The following SNTG1 variants were observed in gnomAD, a reference collection of about 807,000 sequenced individuals.
SNTG1 encodes the protein syntrophin gamma 1.
Under a neutral mutation model 74.7 loss-of-function variants are expected in SNTG1, and 39 were observed. The ratio of observed to expected loss-of-function variants is 0.52; its 90% CI spans 0.40 to 0.68. SNTG1 has a LOEUF of 0.68. SNTG1 is among the 30% of genes least tolerant of loss of function. SNTG1 has a pLI of 0.00. For synonymous variants in SNTG1, 254 were observed against 217.1 expected (o/e 1.17, Z -1.49); for missense variants, 685 against 609.5 (o/e 1.12, Z -1.30).
At chr8:50,522,512 T>C (rs965238313) in intron 9 of SNTG1, among the ~76,000 whole-genome samples, 6 of 151,902 alleles carry the variant, frequency 3.9e-5, no homozygotes, top group South Asian at 2.1e-4. Context: ...ATTCAACTGA[T>C]AGCAGCTGCA....
chr8:49,947,090 A>C (rs2129385224), intron 1 of SNTG1, among the ~76,000 whole-genome samples: 1 of 152,284 alleles, frequency 6.6e-6, no homozygotes, highest in Non-Finnish European at 1.5e-5. Context: ...ACTTGAGGCC[A>C]AGAGTTTGAG....
intron 15 of SNTG1, among the ~76,000 whole-genome samples, chr8:50,668,846 T>C (rs1363411405): frequency 2.6e-4 from 39 of 152,038 alleles, no homozygotes; most frequent in Non-Finnish European, 1.3e-4. Flanking sequence ...TTCCATGGTG[T>C]ATATGTACCA....
intron 13 of SNTG1, among the ~76,000 whole-genome samples, chr8:50,639,416 T>C (rs1007829329): frequency 6.6e-6 from 1 of 152,042 alleles, no homozygotes; most frequent in Non-Finnish European, 1.5e-5. Context: ...ATTGCCTTTT[T>C]GTTTTTCTAT....
At chr8:50,696,243 C>A (rs545836089) in intron 15 of SNTG1, among the ~76,000 whole-genome samples, 10 of 151,998 alleles carry the variant, frequency 6.6e-5, no homozygotes, top group East Asian at 1.9e-4. Flanking sequence ...TTTCAAATGT[C>A]TGATGGTCAC....
rs150961045 is a variant in SNTG1 at position 49,979,127 on chromosome 8, T to C, written c.-103+66896T>C. 3.7e-3 allele frequency among the ~76,000 whole-genome samples: 565 copies of C among 152,316 alleles called. 7 individuals are homozygous for C. Among genetic ancestry groups the C allele is most frequent in the African/African-American group, 0.011 (469 of 41,582 alleles). ...GGAGAAGAATGAGCGAATTTGGTAG[T>C]GTAACTAGCAGGCGGGGAAGGACTG... On this transcript the variant is annotated intron_variant, in intron 1 of 18. Transcript: ENST00000642720.
chr8:50,129,882 C>A (rs2081263591), intron 1 of SNTG1, among the ~76,000 whole-genome samples: 1 of 152,128 alleles, frequency 6.6e-6, no homozygotes, highest in Non-Finnish European at 1.5e-5. Context: ...AAGCAATCCT[C>A]TTGCCTCCAC....
intron 17 of SNTG1, among the ~76,000 whole-genome samples, chr8:50,726,519 A>G (rs1422963557): frequency 2.6e-5 from 4 of 152,166 alleles, no homozygotes; most frequent in Non-Finnish European, 5.9e-5. Flanking sequence ...GCTTGGCTGG[A>G]ACAGAGTACA....
At chr8:50,206,250 G>A (rs918358186) in intron 2 of SNTG1, among the ~76,000 whole-genome samples, 1 of 152,118 alleles carries the variant, frequency 6.6e-6, no homozygotes, top group Non-Finnish European at 1.5e-5. Flanking sequence ...TTGTTGAGCA[G>A]TGTTTTGTAG....
chr8:50,675,689 A>G (rs1049270160), intron 15 of SNTG1, among the ~76,000 whole-genome samples: 2 of 151,920 alleles, frequency 1.3e-5, no homozygotes, highest in Non-Finnish European at 2.9e-5. Context: ...TGTGAATTTG[A>G]TCCTGTCATC....
In SNTG1 at chr8:50,752,012, G is replaced by A; in HGVS notation, c.1296G>A (p.Trp432Ter). Reference protein sequence around the residue: ...CFDAATKAVLWRYKFSQLKGS... With the variant: ...CFDAATKAVL ...TTTCCCCCCTTTAGGCTGTCCTTTG[G>A]AGGTATAAATTCTCTCAGCTTAAAG... The change falls in exon 18 of 19, where the codon TGG becomes TGA. Residue 432 changes from tryptophan (W) to a stop codon, truncating the protein, a stop_gained. Transcript: ENST00000642720. LOFTEE classifies it high-confidence loss of function. 6.4e-7 allele frequency: 1 copy of A among 1,560,880 alleles called. No individual in the cohort carries two copies. Among genetic ancestry groups the A allele is most frequent in the Non-Finnish European group, 8.6e-7 (1 of 1,159,998 alleles).
At chr8:50,766,709 G>T (rs2095614773) in intron 18 of SNTG1, among the ~76,000 whole-genome samples, 1 of 151,856 alleles carries the variant, frequency 6.6e-6, no homozygotes, top group Non-Finnish European at 1.5e-5. Context: ...GCCAAAAATT[G>T]TTGAACTTGT....
rs10109132 is a variant in SNTG1 at position 50,044,980 on chromosome 8, T to C, written c.-102-127581T>C. On this transcript the variant is annotated intron_variant, in intron 1 of 18. Transcript: ENST00000642720. The stretch of plus-strand genomic sequence containing the variant: ...TCTGTTGGTTTAGATAGATAGATGA[T>C]AGCTAGATAGATAAAGAGATTGAGA... 9.5e-3 allele frequency among the ~76,000 whole-genome samples: 1,446 copies of C among 152,298 alleles called. 28 individuals are homozygous for C. Among genetic ancestry groups the C allele is most frequent in the African/African-American group, 0.032 (1,312 of 41,558 alleles).
At chr8:50,513,190 C>T (rs2094099665) in intron 9 of SNTG1, among the ~76,000 whole-genome samples, 1 of 152,190 alleles carries the variant, frequency 6.6e-6, no homozygotes, top group African/African-American at 2.4e-5. Flanking sequence ...ACTCCAGACC[C>T]TGTTTGCCTG....
intron 2 of SNTG1, among the ~76,000 whole-genome samples, chr8:50,197,978 C>T (rs1196711140): frequency 6.6e-6 from 1 of 152,046 alleles, no homozygotes; most frequent in South Asian, 2.1e-4. Flanking sequence ...TATAAATTGA[C>T]CATTCTTAAA....
intron 1 of SNTG1, among the ~76,000 whole-genome samples, chr8:50,014,267 C>T (rs1311942541): frequency 6.6e-6 from 1 of 152,104 alleles, no homozygotes; most frequent in East Asian, 1.9e-4. Flanking sequence ...TGTGAAATCT[C>T]TGAGTGTGTT....
At chr8:50,313,659 C>T (rs968181876) in intron 2 of SNTG1, among the ~76,000 whole-genome samples, 8 of 149,744 alleles carry the variant, frequency 5.3e-5, no homozygotes, top group Non-Finnish European at 7.4e-5. Flanking sequence ...TTTTATAATG[C>T]CAAAATTATA....
intron 12 of SNTG1, among the ~76,000 whole-genome samples, chr8:50,573,417 A>G (rs946862834): frequency 5.9e-5 from 9 of 151,946 alleles, no homozygotes; most frequent in African/African-American, 2.2e-4. Context: ...TATTTAATGG[A>G]TCTATAATAA....
At chr8:50,139,417 G>A (rs2081585997) in intron 1 of SNTG1, among the ~76,000 whole-genome samples, 1 of 152,182 alleles carries the variant, frequency 6.6e-6, no homozygotes, top group Non-Finnish European at 1.5e-5. Context: ...AAGAGTGTAA[G>A]CTTTTAGGCT....
intron 4 of SNTG1, among the ~76,000 whole-genome samples, chr8:50,435,969 G>C (rs1299086037): frequency 2.6e-5 from 4 of 152,130 alleles, no homozygotes; most frequent in Non-Finnish European, 1.5e-5. Context: ...AGGACCCTGC[G>C]ATGCTTGTTG....
Sources: allele counts gnomAD v4.1 joint callset (sites outside exome capture counted in the v4.1 genomes callset), GRCh38; gene constraint gnomAD v4.1.1; transcripts MANE v1.5; gene names NCBI Gene and HGNC (gene_info 2026-07-23, HGNC 2026-07-21).